The following ATRNL1 variants were observed in gnomAD, a reference collection of about 807,000 sequenced individuals.
The protein encoded by ATRNL1 is attractin-like protein 1.
In ATRNL1, 95 loss-of-function variants were observed where a neutral mutation model predicts 182.7. The observed-to-expected ratio is 0.52, with a 90% CI of 0.44 to 0.62. The LOEUF (loss-of-function observed/expected upper bound fraction) is 0.62, where lower values mean the gene tolerates loss of function less well. ATRNL1 is among the 20% of genes least tolerant of loss of function. The pLI, the probability that ATRNL1 is intolerant of heterozygous loss-of-function variation, is 0.00. For synonymous variants in ATRNL1, 576 were observed against 568.3 expected, an observed-to-expected ratio of 1.01 and a Z score of -0.19; for missense variants, 1,471 against 1,679.5, an observed-to-expected ratio of 0.88 and a Z score of 2.17.
chr10:115,234,512 C>G (rs1199517929), intron 9 of ATRNL1, among the ~76,000 whole-genome samples: 1 of 151,488 alleles, frequency 6.6e-6, no homozygotes, highest in Non-Finnish European at 1.5e-5. Context: ...TATAATCTAA[C>G]ACATTTAATT....
At position 115,315,541 on chromosome 10, in the gene ATRNL1, A is replaced by C; in HGVS notation, c.2842A>C (p.Thr948Pro). 9 of 1,611,584 alleles carry C rather than the reference A, an allele frequency of 5.6e-6. No homozygotes were observed. The highest frequency in any genetic ancestry group is 7.6e-6 in the Non-Finnish European group (9 of 1,178,340). ...CSPQNCSGLR[T>P]CGQCLEQPGC... ...AGCTCAAAATTGTTCTGGATTGAGA[A>C]CCTGTGGACAGTGTTTGGAACAGCC... Residue 948 changes from threonine (T) to proline (P), a missense_variant, in exon 18 of 29, where the codon ACC becomes CCC. Coordinates refer to ENST00000355044, the MANE Select transcript of ATRNL1 (RefSeq NM_207303.4).
chr10:115,872,270 G>A (rs1426777598), intron 28 of ATRNL1, among the ~76,000 whole-genome samples: 1 of 152,156 alleles, frequency 6.6e-6, no homozygotes, highest in Non-Finnish European at 1.5e-5. Flanking sequence ...TGTGGTTCAG[G>A]AATATGTTGA....
intron 27 of ATRNL1, among the ~76,000 whole-genome samples, chr10:115,824,801 C>G (rs956722289): frequency 6.6e-6 from 1 of 152,194 alleles, no homozygotes. Flanking sequence ...CGCTTGTACA[C>G]TGTTGGTGGG....
intron 27 of ATRNL1, among the ~76,000 whole-genome samples, chr10:115,832,416 C>G (rs1950579916): frequency 6.6e-6 from 1 of 152,172 alleles, no homozygotes; most frequent in Admixed American, 6.5e-5. Context: ...GGATAGAAAA[C>G]CCTTTCTGTT....
chr10:115,914,059 A>G lies in ATRNL1; in HGVS notation c.4019-30599A>G, dbSNP rs554282180. Among the ~76,000 whole-genome samples, 4 of 152,192 alleles carry G rather than the reference A, an allele frequency of 2.6e-5. No individual in the cohort carries two copies. In the South Asian group the frequency reaches 6.2e-4, roughly 24 times the overall value. On this transcript the variant is annotated intron_variant, in intron 28 of 28. Transcript: ENST00000355044. ...GGGGTAGTTCCCCCATGCTGTTCTC[A>G]TGATAGTAAGTGAGTTCTCAGGAGA...
At chr10:115,213,751 A>G (rs1554895532) in intron 8 of ATRNL1, among the ~76,000 whole-genome samples, 1 of 152,118 alleles carries the variant, frequency 6.6e-6, no homozygotes, top group Non-Finnish European at 1.5e-5. Flanking sequence ...GCAATAATAT[A>G]ACCCTCCAAA....
intron 26 of ATRNL1, among the ~76,000 whole-genome samples, chr10:115,636,169 C>T (rs921173739): frequency 2.6e-5 from 4 of 152,062 alleles, no homozygotes; most frequent in Admixed American, 6.6e-5. Context: ...AATTGTGTTC[C>T]GTGCAGGTAG....
intron 26 of ATRNL1, among the ~76,000 whole-genome samples, chr10:115,671,671 G>A (rs1157113365): frequency 1.3e-5 from 2 of 152,116 alleles, no homozygotes; most frequent in Non-Finnish European, 2.9e-5. Flanking sequence ...GTAGGTGAGG[G>A]CAGCCAGACC....
chr10:115,246,447 T>G (rs905453486), intron 10 of ATRNL1, among the ~76,000 whole-genome samples: 1 of 152,214 alleles, frequency 6.6e-6, no homozygotes, highest in Non-Finnish European at 1.5e-5. Flanking sequence ...TATTTGAATT[T>G]CACTCTACCT....
At chr10:115,387,093 A>T (rs1554952866) in intron 19 of ATRNL1, among the ~76,000 whole-genome samples, 1 of 152,022 alleles carries the variant, frequency 6.6e-6, no homozygotes, top group Non-Finnish European at 1.5e-5. Flanking sequence ...AGCCATAAAA[A>T]ATGATGTCCT....
intron 19 of ATRNL1, among the ~76,000 whole-genome samples, chr10:115,387,577 A>C (rs1858436130): frequency 6.6e-6 from 1 of 152,226 alleles, no homozygotes; most frequent in Non-Finnish European, 1.5e-5. Flanking sequence ...CCATCACTGC[A>C]AAAGAAAACC....
At chr10:115,486,829 T>C (rs1344530798) in intron 24 of ATRNL1, among the ~76,000 whole-genome samples, 12 of 152,198 alleles carry the variant, frequency 7.9e-5, no homozygotes, top group African/African-American at 2.9e-4. Flanking sequence ...ATGTCCTGAA[T>C]GGTATTGCCC....
chr10:115,704,934 C>T (rs1946850471), intron 26 of ATRNL1, among the ~76,000 whole-genome samples: 1 of 151,546 alleles, frequency 6.6e-6, no homozygotes, highest in Non-Finnish European at 1.5e-5. Flanking sequence ...CTAGTTAACT[C>T]CTTCTTCTCC....
intron 13 of ATRNL1, among the ~76,000 whole-genome samples, chr10:115,269,062 G>A (rs781803590): frequency 3.9e-5 from 6 of 152,080 alleles, no homozygotes; most frequent in East Asian, 1.9e-4. Flanking sequence ...ATTTTTTAAC[G>A]TCCTTTTTCA....
At chr10:115,194,690 A>G (rs557617550) in intron 8 of ATRNL1, among the ~76,000 whole-genome samples, 31 of 151,940 alleles carry the variant, frequency 2.0e-4, no homozygotes, top group African/African-American at 6.3e-4. Flanking sequence ...TTTACATTCA[A>G]TATTATTATT....
At chr10:115,708,881 G>A (rs1484042726) in intron 26 of ATRNL1, among the ~76,000 whole-genome samples, 1 of 151,674 alleles carries the variant, frequency 6.6e-6, no homozygotes, top group Non-Finnish European at 1.5e-5. Context: ...TTTTGTTAAG[G>A]TCAAGACAAG....
intron 10 of ATRNL1, among the ~76,000 whole-genome samples, chr10:115,249,113 C>T (rs546773051): frequency 6.6e-6 from 1 of 152,186 alleles, no homozygotes; most frequent in African/African-American, 2.4e-5. Context: ...TCCCAAGTAG[C>T]TGAGATTACA....
At position 115,265,269 on chromosome 10, in the gene ATRNL1, C is replaced by T; in HGVS notation, c.1764C>T (p.Val588=). The part of the protein sequence containing the change: ...DVNRFGHSAV[V]INGSMYIFGG... ...ACAGATTTGGACACTCTGCAGTAGTCATTAACGGGTAAAAGAAGCACATTT... is the reference window on the plus strand; with the variant it reads ...ACAGATTTGGACACTCTGCAGTAGTTATTAACGGGTAAAAGAAGCACATTT... The change falls in exon 11 of 29, where the codon GTC becomes GTT. Residue 588 remains valine (V), a synonymous_variant. Coordinates refer to ENST00000355044, the MANE Select transcript of ATRNL1 (RefSeq NM_207303.4). The T allele has an allele frequency of 1.3e-6, 2 of 1,595,956 alleles. No homozygotes were observed. The highest frequency in any genetic ancestry group is 1.7e-6 in the Non-Finnish European group (2 of 1,169,460).
At chr10:115,175,914 A>G (rs1327420176) in intron 8 of ATRNL1, among the ~76,000 whole-genome samples, 2 of 152,180 alleles carry the variant, frequency 1.3e-5, no homozygotes, top group African/African-American at 4.8e-5. Context: ...GAACTAGTTC[A>G]CATTCCCACC....
Sources: gnomAD v4.1 joint callset for allele counts (sites outside exome capture counted in the v4.1 genomes callset) on GRCh38, gnomAD v4.1.1 for gene constraint, MANE v1.5 for transcripts, NCBI Gene and HGNC (gene_info 2026-07-23, HGNC 2026-07-21) for gene names.